Variants in RTF2 observed in about 807,000 individuals in gnomAD.
The protein encoded by RTF2 is replication termination factor 2, also known as UPF0549 protein C20orf43.
Under a neutral mutation model 38.0 loss-of-function variants are expected in RTF2, and 18 were observed. The ratio of observed to expected loss-of-function variants is 0.47; its 90% CI spans 0.33 to 0.70. RTF2 has a LOEUF of 0.70. Among genes scored for constraint, RTF2 ranks in the 30% least tolerant of loss-of-function variants. The pLI, the probability that RTF2 is intolerant of heterozygous loss-of-function variation, is 0.02. For synonymous variants in RTF2, 126 were observed against 137.1 expected (o/e 0.92, Z 0.57); for missense variants, 311 against 379.6 (o/e 0.82, Z 1.50).
At chr20:56,497,708 T>TCC in intron 5 of RTF2, 1 of 875,910 alleles carries the variant, frequency 1.1e-6, no homozygotes. Context: ...GTTGTAATTC[T>TCC]CCCCCCCAAC....
chr20:56,502,629 T>C lies in RTF2; in HGVS notation c.478-10686T>C, dbSNP rs1022784401. Among the ~76,000 whole-genome samples the C allele has an allele frequency of 2.0e-5, 3 of 152,190 alleles. No individual in the cohort carries two copies. The East Asian group carries it at 5.8e-4, about 29-fold the overall frequency. On this transcript the variant is annotated intron_variant, in intron 5 of 8. Coordinates refer to ENST00000357348, the MANE Select transcript of RTF2 (RefSeq NM_016407.5). The stretch of plus-strand genomic sequence containing the variant: ...GAAATTCCTATGAGTAAATAGATAA[T>C]GGATGGGAACCTTTAAAGGTGAACC...
chr20:56,474,712 T>C lies in RTF2; in HGVS notation c.199T>C (p.Leu67=). The C allele has an allele frequency of 6.2e-7, 1 of 1,611,872 alleles. No homozygotes were observed. The highest frequency in any genetic ancestry group is 8.5e-7 in the Non-Finnish European group (1 of 1,179,304). The change falls in exon 3 of 9, where the codon TTG becomes CTG. Residue 67 remains leucine, a synonymous_variant. Coordinates refer to ENST00000357348, the MANE Select transcript of RTF2 (RefSeq NM_016407.5). ...YNKDAVIEFL[L]DKSAEKALGK... ...CAAAGATGCCGTCATTGAATTTCTC[T>C]TGGACAAATCTGCAGAAAAGGCTCT...
chr20:56,508,308 CT>C (rs1984414220), intron 5 of RTF2, among the ~76,000 whole-genome samples: 1 of 152,116 alleles, frequency 6.6e-6, no homozygotes, highest in Non-Finnish European at 1.5e-5. Context: ...AAAAAAAGTA[CT>C]TTTATGGCTT....
chr20:56,502,317 T>A (rs1282980669), intron 5 of RTF2, among the ~76,000 whole-genome samples: 1 of 152,262 alleles, frequency 6.6e-6, no homozygotes, highest in African/African-American at 2.4e-5. Context: ...GGGAGTTGTT[T>A]CAAAACACAT....
chr20:56,497,529 T>G, intron 5 of RTF2: 1 of 1,435,362 alleles, frequency 7.0e-7, no homozygotes, highest in Non-Finnish European at 9.3e-7. Flanking sequence ...AGGAGTTGGA[T>G]TCCTTAAGTA....
At chr20:56,473,637 A>G (rs1982085200) in intron 2 of RTF2, among the ~76,000 whole-genome samples, 1 of 152,110 alleles carries the variant, frequency 6.6e-6, no homozygotes, top group South Asian at 2.1e-4. Context: ...TAATCCCACC[A>G]CTTTGGGAGG....
chr20:56,506,259 C>CA (rs1568708404), intron 5 of RTF2, among the ~76,000 whole-genome samples: 2 of 152,174 alleles, frequency 1.3e-5, no homozygotes, highest in African/African-American at 4.8e-5. Flanking sequence ...GTGGAGGAAA[C>CA]ACACTGTTTC....
chr20:56,510,618 T>C (rs1984590501), intron 5 of RTF2, among the ~76,000 whole-genome samples: 1 of 152,212 alleles, frequency 6.6e-6, no homozygotes, highest in African/African-American at 2.4e-5. Context: ...ACACAGGGCC[T>C]ACCAGCTTCA....
Position 56,473,345 on chromosome 20 carries a change from T to TC in RTF2, c.115dup (p.Leu39ProfsTer14). Reference sequence around the variant, plus strand: ...TAGTGGCCCAATGGAACTATTGTACTCTAAGTCAGGAAATATTAAGACGAC... The same window carrying TC: ...TAGTGGCCCAATGGAACTATTGTACTCCTAAGTCAGGAAATATTAAGACGAC... On this transcript the variant is annotated frameshift_variant, in exon 2 of 9. Coordinates refer to ENST00000357348, the MANE Select transcript of RTF2 (RefSeq NM_016407.5). LOFTEE classifies it high-confidence loss of function. 3 of 1,614,036 alleles carry TC rather than the reference T, an allele frequency of 1.9e-6. No homozygotes were observed. Among genetic ancestry groups the TC allele is most frequent in the Non-Finnish European group, 2.5e-6 (3 of 1,179,896 alleles).
intron 8 of RTF2, 41 bp downstream of exon 8, chr20:56,517,242 C>A: frequency 6.4e-7 from 1 of 1,555,122 alleles, no homozygotes; most frequent in Non-Finnish European, 8.9e-7. Flanking sequence ...TTCGAGAAGG[C>A]TGGAAACCCA....
intron 5 of RTF2, among the ~76,000 whole-genome samples, chr20:56,485,935 CT>C (rs1052556116): frequency 6.6e-6 from 1 of 152,004 alleles, no homozygotes; most frequent in African/African-American, 2.4e-5. Context: ...GGCCAGAGAA[CT>C]TTTTTTTGTC....
At chr20:56,499,082 G>A (rs750062797) in intron 5 of RTF2, among the ~76,000 whole-genome samples, 10 of 152,110 alleles carry the variant, frequency 6.6e-5, no homozygotes, top group African/African-American at 2.4e-5. Context: ...AGCCACTGCC[G>A]AGGTATGTCA....
chr20:56,497,552 G>A (rs1983634498), intron 5 of RTF2: 1 of 1,388,220 alleles, frequency 7.2e-7, no homozygotes, highest in Admixed American at 2.2e-5. Context: ...GAAAAATGAA[G>A]ATGCAAATGA....
intron 5 of RTF2, among the ~76,000 whole-genome samples, chr20:56,505,702 A>G (rs1389876161): frequency 1.3e-5 from 2 of 152,038 alleles, no homozygotes; most frequent in Non-Finnish European, 2.9e-5. Context: ...TGTTGCCCAC[A>G]TTAAACGTTA....
intron 5 of RTF2, among the ~76,000 whole-genome samples, chr20:56,493,066 C>G (rs752886742): frequency 6.6e-6 from 1 of 152,092 alleles, no homozygotes; most frequent in Non-Finnish European, 1.5e-5. Flanking sequence ...ATCCCAGCCA[C>G]TCAGGAGGCT....
intron 5 of RTF2, among the ~76,000 whole-genome samples, chr20:56,498,407 A>G (rs1600817490): frequency 1.3e-5 from 2 of 152,144 alleles, no homozygotes; most frequent in Admixed American, 6.5e-5. Context: ...GTATCTCTAT[A>G]AAAAACTTAA....
rs934029497 is a variant in RTF2, at chr20:56,518,766, G to A, written c.*501G>A. 3 of 152,540 alleles carry A rather than the reference G, an allele frequency of 2.0e-5. No homozygotes were observed. The highest frequency in any genetic ancestry group is 4.4e-5 in the Non-Finnish European group (3 of 68,294). The allele number at this position is 152,540 out of a possible 1,614,324, so 9.4% of individuals were successfully genotyped here. ...AGCCCTGGGAGGAGCCAGGATCCTT[G>A]TTGGTCTAGCTAAATACTGTTAGGG... On this transcript the variant is annotated 3_prime_UTR_variant, in exon 9 of 9. Transcript: ENST00000357348.
intron 5 of RTF2, among the ~76,000 whole-genome samples, chr20:56,507,093 A>G (rs1345557315): frequency 6.6e-6 from 1 of 152,188 alleles, no homozygotes; most frequent in Non-Finnish European, 1.5e-5. Context: ...ATGGATGTAT[A>G]ATTTCTACCG....
intron 3 of RTF2, among the ~76,000 whole-genome samples, chr20:56,476,038 A>C (rs577369745): frequency 6.6e-6 from 1 of 152,348 alleles, no homozygotes; most frequent in African/African-American, 2.4e-5. Flanking sequence ...TGCTCTCTAG[A>C]GTATTGAAGT....
Sources: allele counts gnomAD v4.1 joint callset (sites outside exome capture counted in the v4.1 genomes callset), GRCh38; gene constraint gnomAD v4.1.1; transcripts MANE v1.5; gene names NCBI Gene and HGNC (gene_info 2026-07-23, HGNC 2026-07-21).